Variants in RNF216 observed in about 807,000 individuals in gnomAD.
The protein encoded by RNF216 is E3 ubiquitin-protein ligase RNF216.
A neutral mutation model predicts 110.8 loss-of-function variants in RNF216; 72 were observed. The observed-to-expected ratio is 0.65, with a 90% CI of 0.54 to 0.79. The LOEUF (loss-of-function observed/expected upper bound fraction) is 0.79. Ranked by LOEUF, RNF216 falls within the 30% of genes least tolerant of loss-of-function variation. The pLI is 0.00. For synonymous variants in RNF216, 495 were observed against 407.5 expected, an observed-to-expected ratio of 1.21 and a Z score of -2.59; for missense variants, 1,342 against 1,141.2, an observed-to-expected ratio of 1.18 and a Z score of -2.54.
chr7:5,647,618 C>A (rs1383301482), intron 14 of RNF216, among the ~76,000 whole-genome samples: 1 of 151,856 alleles, frequency 6.6e-6, no homozygotes, highest in Non-Finnish European at 1.5e-5. Context: ...ACCGGTGTGG[C>A]AGCCATTCAT....
intron 13 of RNF216, among the ~76,000 whole-genome samples, chr7:5,686,687 C>T (rs934883504): frequency 6.6e-6 from 1 of 152,222 alleles, no homozygotes; most frequent in African/African-American, 2.4e-5. Context: ...AAAGGTAGCG[C>T]TATTTGCGGC....
chr7:5,762,629 T>C (rs1326102309), intron 1 of RNF216, among the ~76,000 whole-genome samples: 1 of 150,432 alleles, frequency 6.6e-6, no homozygotes, highest in Non-Finnish European at 1.5e-5. Flanking sequence ...GAGGCAGAGG[T>C]TGCAGTGAGC....
intron 2 of RNF216, among the ~76,000 whole-genome samples, chr7:5,754,192 A>G (rs1296164474): frequency 1.3e-5 from 2 of 148,212 alleles, no homozygotes; most frequent in Middle Eastern, 3.5e-3. Flanking sequence ...GTCTTGCTCT[A>G]TTGCCCAGAC....
chr7:5,707,004 GT>G (rs1169303722), intron 13 of RNF216, among the ~76,000 whole-genome samples: 1 of 152,214 alleles, frequency 6.6e-6, no homozygotes, highest in Non-Finnish European at 1.5e-5. Context: ...TGGATATTCA[GT>G]TTACAGAGCA....
At chr7:5,626,411 C>CT (rs1488488963) in intron 15 of RNF216, among the ~76,000 whole-genome samples, 1 of 133,260 alleles carries the variant, frequency 7.5e-6, no homozygotes, top group Non-Finnish European at 1.6e-5. Context: ...AGAAAAAAGA[C>CT]TAAAAAAAAA....
Position 5,634,525 on chromosome 7 carries a change from G to A in RNF216, c.2382+6629C>T, listed in dbSNP as rs747656620. On this transcript the variant is annotated intron_variant, in intron 15 of 16. Coordinates refer to ENST00000389902, the MANE Select transcript of RNF216 (RefSeq NM_207111.4). ...GGGAGGGAGCAGCAGAGCTTGGAGTGGCACATGCTGCGCAGCTGTGGCTGG... is the reference window on the plus strand; with the variant it reads ...GGGAGGGAGCAGCAGAGCTTGGAGTAGCACATGCTGCGCAGCTGTGGCTGG... 5.9e-5 allele frequency among the ~76,000 whole-genome samples: 9 copies of A among 152,336 alleles called. No homozygotes were observed. The Middle Eastern group carries it at 0.01, about 173-fold the overall frequency.
In RNF216 at chr7:5,729,616, T is replaced by C. The variant is rs1219544584; in HGVS notation, c.1225-20A>G. 1.2e-6 allele frequency: 2 copies of C among 1,606,866 alleles called. No homozygotes were observed. The highest frequency in any genetic ancestry group is 1.1e-5 in the South Asian group (1 of 90,886). On this transcript the variant is annotated intron_variant, in intron 6 of 16. Coordinates refer to ENST00000389902, the MANE Select transcript of RNF216 (RefSeq NM_207111.4). The stretch of plus-strand genomic sequence containing the variant: ...AGGCAACTGAAATGAGAGAGAAGCA[T>C]AAAATCAGAGGCCAGGCAGTACATT...
At chr7:5,652,289 G>C (rs937058952) in intron 14 of RNF216, 124 bp downstream of exon 14, 2 of 686,488 alleles carry the variant, frequency 2.9e-6, no homozygotes, top group Non-Finnish European at 5.3e-6. Flanking sequence ...ACTTCCCCAA[G>C]ATCACTCCAG....
intron 13 of RNF216, among the ~76,000 whole-genome samples, chr7:5,674,887 C>T (rs1222415319): frequency 6.6e-6 from 1 of 151,246 alleles, no homozygotes; most frequent in African/African-American, 2.4e-5. Context: ...ATCCCAGCTA[C>T]TCGGGAGGCT....
intron 13 of RNF216, among the ~76,000 whole-genome samples, chr7:5,678,918 T>C (rs1275025055): frequency 6.6e-6 from 1 of 152,110 alleles, no homozygotes; most frequent in African/African-American, 2.4e-5. Context: ...GCATGGCTGG[T>C]TTATCAGTTG....
chr7:5,738,484 G>T (rs1049175519), intron 5 of RNF216, among the ~76,000 whole-genome samples: 5 of 152,074 alleles, frequency 3.3e-5, no homozygotes, highest in Non-Finnish European at 7.4e-5. Flanking sequence ...CGAGGCGGGT[G>T]GATCACGAGG....
chr7:5,664,351 GC>G (rs1310176578), intron 13 of RNF216, among the ~76,000 whole-genome samples: 2 of 151,976 alleles, frequency 1.3e-5, no homozygotes, highest in Admixed American at 6.6e-5. Flanking sequence ...TCCTTTCTTT[GC>G]TCCCTAATGT....
chr7:5,655,744 C>T (rs1451510467), intron 13 of RNF216, among the ~76,000 whole-genome samples: 1 of 152,034 alleles, frequency 6.6e-6, no homozygotes, highest in Non-Finnish European at 1.5e-5. Context: ...TTAAAATGTA[C>T]TCTCTCTTCT....
intron 10 of RNF216, among the ~76,000 whole-genome samples, chr7:5,715,653 A>G (rs758918425): frequency 2.8e-4 from 42 of 152,114 alleles, no homozygotes; most frequent in Non-Finnish European, 5.3e-4. Flanking sequence ...TGAAGCTATA[A>G]CTAAAGCAGC....
Position 5,712,841 on chromosome 7 carries a change from C to T in RNF216, c.1856G>A (p.Gly619Asp). The T allele has an allele frequency of 6.2e-7, 1 of 1,613,808 alleles. No homozygotes were observed. The highest frequency in any genetic ancestry group is 1.7e-4 in the Middle Eastern group (1 of 6,060). The change falls in exon 12 of 17, where the codon GGC becomes GAC. Residue 619 changes from glycine to aspartate, a missense_variant. Gly to Asp is a moderately conservative substitution (Grantham distance 94, BLOSUM62 -1). Transcript: ENST00000389902. ...GGTTGGGAACGAACACGTGCAGCTG[C>T]CTTCCATGCAGCTGAGCTCCAACTA... ...SGKLELSCME[G>D]SCTCSFPTSE...
intron 13 of RNF216, among the ~76,000 whole-genome samples, chr7:5,694,712 T>C (rs555743883): frequency 3.9e-4 from 59 of 152,346 alleles, no homozygotes; most frequent in African/African-American, 1.4e-3. Context: ...CTTCAGCCTA[T>C]GGAAAGTACA....
At chr7:5,763,944 C>T (rs6944627) in intron 1 of RNF216, among the ~76,000 whole-genome samples, 9,011 of 152,090 alleles carry the variant, frequency 0.059, 426 homozygotes, top group African/African-American at 0.11. Flanking sequence ...ATCTAAGCAC[C>T]TTGGGAGGCC....
chr7:5,642,032 T>TAAAAAA (rs1201078083), intron 14 of RNF216, among the ~76,000 whole-genome samples: 3 of 98,424 alleles, frequency 3.0e-5, no homozygotes, highest in African/African-American at 4.5e-5. Context: ...GACTCTATCT[T>TAAAAAA]AAAAAAAAAA....
chr7:5,769,631 G>A (rs1267705620), intron 1 of RNF216, among the ~76,000 whole-genome samples: 2 of 152,008 alleles, frequency 1.3e-5, no homozygotes, highest in African/African-American at 2.4e-5. Context: ...GGCCGGGGAG[G>A]GAGGACTGCT....
Sources: allele counts gnomAD v4.1 joint callset (sites outside exome capture counted in the v4.1 genomes callset), GRCh38; gene constraint gnomAD v4.1.1; transcripts MANE v1.5; gene names NCBI Gene and HGNC (gene_info 2026-07-23, HGNC 2026-07-21).